C18orf63: variants seen among roughly 807,000 people sequenced by gnomAD.
C18orf63 encodes uncharacterized protein C18orf63.
C18orf63 carries 50 observed loss-of-function variants against 75.3 expected under a neutral mutation model. The ratio of observed to expected loss-of-function variants is 0.66; its 90% CI spans 0.53 to 0.84. C18orf63 has a LOEUF of 0.84. Ranked by LOEUF, C18orf63 falls within the 40% of genes least tolerant of loss-of-function variation. The pLI is 0.00. For missense variants in C18orf63, 732 were observed against 800.2 expected, an observed-to-expected ratio of 0.91 and a Z score of 1.03; for synonymous variants, 232 against 267.6, an observed-to-expected ratio of 0.87 and a Z score of 1.30.
At chr18:74,330,645 C>T (rs1161504190) in intron 6 of C18orf63, among the ~76,000 whole-genome samples, 4 of 152,020 alleles carry the variant, frequency 2.6e-5, no homozygotes, top group Non-Finnish European at 5.9e-5. Flanking sequence ...CCTGCACCCC[C>T]CACACACATT....
At chr18:74,317,737 C>T in intron 1 of C18orf63, 97 bp from the exon 2 acceptor site, 7 of 642,848 alleles carry the variant, frequency 1.1e-5, no homozygotes. Flanking sequence ...TTGTATCATC[C>T]CATTCTAAAA....
chr18:74,352,756 G>A (rs1213139767), intron 11 of C18orf63, among the ~76,000 whole-genome samples: 1 of 152,214 alleles, frequency 6.6e-6, no homozygotes, highest in South Asian at 2.1e-4. Context: ...GATGGAATAT[G>A]TGCACTAAAA....
At position 74,322,763 on chromosome 18, in the gene C18orf63, T is replaced by TA. The variant is rs750002646; in HGVS notation, c.270+15dup. Reference sequence around the variant, plus strand: ...AAAAATATGGAGCTAAGGTAAGTGTTAAAAAATGATATTAATACCATATGT... The same window carrying TA: ...AAAAATATGGAGCTAAGGTAAGTGTTAAAAAAATGATATTAATACCATATGT... On this transcript the variant is annotated intron_variant, in intron 4 of 13. Coordinates refer to ENST00000579455, the MANE Select transcript of C18orf63 (RefSeq NM_001174123.2). 2.6e-6 allele frequency: 3 copies of TA among 1,169,252 alleles called. No homozygotes were observed. Among genetic ancestry groups the TA allele is most frequent in the South Asian group, 1.5e-5 (1 of 65,580 alleles). 72.4% of individuals were successfully genotyped at this position (1,169,252 alleles called of 1,614,324 possible). A position where few individuals can be genotyped will look rare whatever the true frequency, so the allele number is the denominator to read the frequency against.
intron 7 of C18orf63, among the ~76,000 whole-genome samples, chr18:74,333,148 T>C (rs1984337617): frequency 6.6e-6 from 1 of 152,158 alleles, no homozygotes; most frequent in African/African-American, 2.4e-5. Flanking sequence ...GAAAAACAGC[T>C]CTTGGAGGAC....
Position 74,328,196 on chromosome 18 carries a change from C to T in C18orf63, c.382+138C>T, listed in dbSNP as rs1163571721. On this transcript the variant is annotated intron_variant, in intron 5 of 13. Transcript: ENST00000579455. ...ATAAAGGAAAGGTTTAGTGGATTCACAGTTCCACATGGCTGGAGAGGCCTC... is the reference window on the plus strand; with the variant it reads ...ATAAAGGAAAGGTTTAGTGGATTCATAGTTCCACATGGCTGGAGAGGCCTC... 4.2e-5 allele frequency: 25 copies of T among 590,920 alleles called. No individual in the cohort carries two copies. In the South Asian group the frequency reaches 5.7e-4, roughly 14 times the overall value. The allele number at this position is 590,920 out of a possible 1,614,324, so 36.6% of individuals were successfully genotyped here.
At chr18:74,336,611 T>C (rs1478846035) in intron 7 of C18orf63, among the ~76,000 whole-genome samples, 1 of 152,108 alleles carries the variant, frequency 6.6e-6, no homozygotes, top group African/African-American at 2.4e-5. Flanking sequence ...CCCATTTCAG[T>C]AGCTTCAGCC....
intron 11 of C18orf63, among the ~76,000 whole-genome samples, chr18:74,347,667 A>G (rs570939253): frequency 6.6e-6 from 1 of 152,210 alleles, no homozygotes; most frequent in Non-Finnish European, 1.5e-5. Flanking sequence ...TAGACCATAT[A>G]CATGTTAACT....
chr18:74,338,317 T>C (rs983474786), intron 7 of C18orf63, among the ~76,000 whole-genome samples: 3 of 152,118 alleles, frequency 2.0e-5, no homozygotes, highest in Admixed American at 1.3e-4. Context: ...GATGGAGGTA[T>C]AATTCCCTTA....
intron 13 of C18orf63, among the ~76,000 whole-genome samples, chr18:74,356,271 C>G (rs924663485): frequency 1.3e-5 from 2 of 152,018 alleles, no homozygotes; most frequent in Non-Finnish European, 2.9e-5. Flanking sequence ...TTCACCCCCC[C>G]TCCCTTCTTC....
chr18:74,324,856 T>C (rs760351964), intron 4 of C18orf63, among the ~76,000 whole-genome samples: 16 of 152,218 alleles, frequency 1.1e-4, no homozygotes, highest in Non-Finnish European at 2.2e-4. Context: ...TAAATTTTTG[T>C]TACCTTCACT....
intron 8 of C18orf63, among the ~76,000 whole-genome samples, chr18:74,339,727 C>A (rs1984448609): frequency 6.6e-6 from 1 of 152,034 alleles, no homozygotes; most frequent in East Asian, 1.9e-4. Context: ...GTGACATGAT[C>A]TTATGTATAG....
At position 74,353,996 on chromosome 18, in the gene C18orf63, A is replaced by G. The variant is rs1418281595; in HGVS notation, c.1729A>G (p.Ile577Val). ...KGKENLTGKGITQILGKSHGS... is the reference protein window; with the variant it reads ...KGKENLTGKGVTQILGKSHGS... ...AAAAGAAAATTTAACAGGCAAAGGT[A>G]TAACACAAATTTTAGGGAAAAGCCA... The change falls in exon 12 of 14, where the codon ATA becomes GTA. Residue 577 changes from isoleucine (I) to valine (V), a missense_variant. Physicochemically the swap from Ile to Val is conservative, Grantham distance 29. Transcript: ENST00000579455. 2.6e-5 allele frequency: 40 copies of G among 1,536,482 alleles called. No homozygotes were observed. Among genetic ancestry groups the G allele is most frequent in the Middle Eastern group, 3.3e-4 (2 of 5,994 alleles).
At chr18:74,322,603 G>A in intron 3 of C18orf63, 95 bp from the exon 4 acceptor site, 1 of 359,678 alleles carries the variant, frequency 2.8e-6, no homozygotes, top group South Asian at 7.3e-5. Context: ...CTGATTCTTT[G>A]CCCTCTGTAG....
chr18:74,348,610 C>A (rs1984612412), intron 11 of C18orf63, among the ~76,000 whole-genome samples: 1 of 152,008 alleles, frequency 6.6e-6, no homozygotes, highest in Non-Finnish European at 1.5e-5. Context: ...TATATAAATT[C>A]TAGAAATTAA....
chr18:74,328,694 A>C (rs1029278826), intron 5 of C18orf63, among the ~76,000 whole-genome samples: 7 of 152,208 alleles, frequency 4.6e-5, no homozygotes. Context: ...AAATGAGCAC[A>C]ATACTGTTAA....
At chr18:74,340,984 G>T (rs1984471227) in intron 8 of C18orf63, among the ~76,000 whole-genome samples, 1 of 152,124 alleles carries the variant, frequency 6.6e-6, no homozygotes, top group African/African-American at 2.4e-5. Context: ...TTAGGTTGGG[G>T]CCGGGCGCGG....
rs753671076 is a variant in C18orf63, at chr18:74,353,372, AAGGTGG to A, written c.1108_1113del (p.Val370_Glu371del). ...ACCATGTTCAGTAGCAGTGGACCACAAGGTGGAGCTTTCAGTCAGCCAGCCAACATC... is the reference window on the plus strand; with the variant it reads ...ACCATGTTCAGTAGCAGTGGACCACAAGCTTTCAGTCAGCCAGCCAACATC... On this transcript the variant is annotated inframe_deletion, in exon 12 of 14. Coordinates refer to ENST00000579455, the MANE Select transcript of C18orf63 (RefSeq NM_001174123.2). 5.9e-6 allele frequency: 9 copies of A among 1,536,426 alleles called. No homozygotes were observed. The highest frequency in any genetic ancestry group is 7.8e-6 in the Non-Finnish European group (9 of 1,146,972).
At chr18:74,316,442 C>T (rs1984025993) in intron 1 of C18orf63, among the ~76,000 whole-genome samples, 1 of 152,212 alleles carries the variant, frequency 6.6e-6, no homozygotes, top group South Asian at 2.1e-4. Context: ...CTGGGGCCGC[C>T]CTGAACCCCG....
intron 11 of C18orf63, among the ~76,000 whole-genome samples, chr18:74,344,911 A>G (rs982040018): frequency 2.6e-5 from 4 of 152,118 alleles, no homozygotes; most frequent in East Asian, 1.9e-4. Flanking sequence ...GTGCTCATGT[A>G]CATGAAACCT....
Sources: allele counts gnomAD v4.1 joint callset (sites outside exome capture counted in the v4.1 genomes callset), GRCh38; gene constraint gnomAD v4.1.1; transcripts MANE v1.5; gene names NCBI Gene and HGNC (gene_info 2026-07-23, HGNC 2026-07-21).